ACBD6: variants seen among roughly 807,000 people sequenced by gnomAD.
ACBD6 encodes acyl-CoA binding domain containing 6.
Under a neutral mutation model 37.2 loss-of-function variants are expected in ACBD6, and 28 were observed. The ratio of observed to expected loss-of-function variants is 0.75; its 90% confidence interval spans 0.56 to 1.03. ACBD6 has a LOEUF of 1.03. Ranked by LOEUF, ACBD6 falls within the 50% of genes least tolerant of loss-of-function variation. The pLI is 0.00. For missense variants in ACBD6, 340 were observed against 337.4 expected, an observed-to-expected ratio of 1.01 and a Z score of -0.06; for synonymous variants, 113 against 126.8, an observed-to-expected ratio of 0.89 and a Z score of 0.73.
At chr1:180,318,070 C>T (rs1173089764) in intron 6 of ACBD6, among the ~76,000 whole-genome samples, 12 of 143,384 alleles carry the variant, frequency 8.4e-5, no homozygotes, top group Non-Finnish European at 1.5e-4. Context: ...CCCAGCTACT[C>T]GGGATTGCTT....
intron 3 of ACBD6, among the ~76,000 whole-genome samples, chr1:180,450,969 T>C (rs1571528185): frequency 6.6e-6 from 1 of 152,290 alleles, no homozygotes; most frequent in South Asian, 2.1e-4. Context: ...AAATAGTAAA[T>C]TTCCCTTCAT....
At chr1:180,359,635 A>G (rs375319154) in intron 6 of ACBD6, among the ~76,000 whole-genome samples, 4 of 152,208 alleles carry the variant, frequency 2.6e-5, no homozygotes, top group South Asian at 2.1e-4. Context: ...ACTCATCATC[A>G]TATGTATTTT....
At position 180,359,606 on chromosome 1, in the gene ACBD6, A is replaced by G. The variant is rs7549731; in HGVS notation, c.663+37910T>C. On this transcript the variant is annotated intron_variant, in intron 6 of 7. Transcript: ENST00000367595. The stretch of plus-strand genomic sequence containing the variant: ...ATGAATTACTACCAAGCATTTAGAC[A>G]TTTAGAAGATATACATGTACTCATC... Among the ~76,000 whole-genome samples the G allele has an allele frequency of 9.9e-3, 1,505 of 152,332 alleles. 34 individuals are homozygous for G. The highest frequency in any genetic ancestry group is 0.034 in the African/African-American group (1,394 of 41,580).
intron 3 of ACBD6, among the ~76,000 whole-genome samples, chr1:180,443,247 C>T (rs1040013379): frequency 6.6e-6 from 1 of 152,162 alleles, no homozygotes; most frequent in Non-Finnish European, 1.5e-5. Flanking sequence ...AAGTGAAACC[C>T]TTCTGAAGCC....
chr1:180,355,709 C>G (rs1652599467), intron 6 of ACBD6, among the ~76,000 whole-genome samples: 1 of 152,102 alleles, frequency 6.6e-6, no homozygotes, highest in Admixed American at 6.6e-5. Context: ...CAAGAGCTTC[C>G]TTAATAATTT....
rs530798152 is a variant in ACBD6 at position 180,489,899 on chromosome 1, T to G, written c.384+2370A>C. Among the ~76,000 whole-genome samples, 8 of 152,276 alleles carry G rather than the reference T, an allele frequency of 5.3e-5. No homozygotes were observed. The East Asian group carries it at 1.5e-3, about 29-fold the overall frequency. ...GACTCGAACTCCTGACCTCAGGTGATCCACCCGCCTCAGCCTCCCAAAGTG... is the reference window on the plus strand; with the variant it reads ...GACTCGAACTCCTGACCTCAGGTGAGCCACCCGCCTCAGCCTCCCAAAGTG... On this transcript the variant is annotated intron_variant, in intron 3 of 7. Coordinates refer to ENST00000367595, the MANE Select transcript of ACBD6 (RefSeq NM_032360.4).
At chr1:180,270,781 T>TG (rs1310377647) in exon 14 of ACBD6, 1 of 158,192 alleles carries the variant, frequency 6.3e-6, no homozygotes, top group Admixed American at 5.9e-5. Context: ...TCTGATTTCC[T>TG]GTTTTAGTTT....
chr1:180,408,681 A>T (rs1168986449), intron 5 of ACBD6, among the ~76,000 whole-genome samples: 1 of 152,152 alleles, frequency 6.6e-6, no homozygotes, highest in African/African-American at 2.4e-5. Flanking sequence ...TAATAAAATA[A>T]AATAAAAAAG....
At chr1:180,338,802 A>C (rs1393207399) in intron 6 of ACBD6, among the ~76,000 whole-genome samples, 1 of 152,248 alleles carries the variant, frequency 6.6e-6, no homozygotes, top group Non-Finnish European at 1.5e-5. Flanking sequence ...GTTAATATCC[A>C]GAATCTACAA....
chr1:180,338,900 C>T (rs1300716381), intron 6 of ACBD6, among the ~76,000 whole-genome samples: 1 of 152,198 alleles, frequency 6.6e-6, no homozygotes, highest in Non-Finnish European at 1.5e-5. Context: ...CAAAAGAAGA[C>T]ATTTATGCAG....
At chr1:180,305,566 C>T (rs1650320579) in intron 7 of ACBD6, among the ~76,000 whole-genome samples, 1 of 152,168 alleles carries the variant, frequency 6.6e-6, no homozygotes, top group Non-Finnish European at 1.5e-5. Context: ...CATCTCACAC[C>T]AGTTAGAATG....
chr1:180,342,276 GA>G (rs1266854123), intron 6 of ACBD6, among the ~76,000 whole-genome samples: 1 of 152,102 alleles, frequency 6.6e-6, no homozygotes, highest in African/African-American at 2.4e-5. Flanking sequence ...GAGTAGTAGA[GA>G]AAAGGATCAG....
chr1:180,435,038 C>T (rs1648966683), intron 3 of ACBD6: 3 of 947,926 alleles, frequency 3.2e-6, no homozygotes, highest in South Asian at 2.6e-5. Context: ...CACTAGGCAC[C>T]GAGATTACCG....
intron 6 of ACBD6, among the ~76,000 whole-genome samples, chr1:180,339,353 A>G (rs1015814491): frequency 5.9e-5 from 9 of 152,266 alleles, no homozygotes; most frequent in Non-Finnish European, 1.2e-4. Context: ...ATGCAGCCAT[A>G]AAAAATGATG....
At chr1:180,448,037 C>T (rs1040088349) in intron 3 of ACBD6, among the ~76,000 whole-genome samples, 4 of 152,054 alleles carry the variant, frequency 2.6e-5, no homozygotes, top group African/African-American at 9.7e-5. Flanking sequence ...CTTAACATCC[C>T]TTAATAATTT....
intron 10 of ACBD6, chr1:180,274,216 C>T (rs1030984948): frequency 4.3e-6 from 7 of 1,614,040 alleles, no homozygotes; most frequent in Non-Finnish European, 4.2e-6. Flanking sequence ...TTGGCCACAC[C>T]AATAGGATTT....
intron 3 of ACBD6, among the ~76,000 whole-genome samples, chr1:180,430,540 G>A (rs1455912804): frequency 1.3e-5 from 2 of 152,068 alleles, no homozygotes; most frequent in Non-Finnish European, 2.9e-5. Flanking sequence ...ACTGTGAGAT[G>A]ATGTTCAATG....
chr1:180,333,526 C>G (rs144568177), intron 6 of ACBD6, among the ~76,000 whole-genome samples: 76 of 152,312 alleles, frequency 5.0e-4, no homozygotes, highest in African/African-American at 1.8e-3. Context: ...AAATATTTAT[C>G]TGCAAGGATG....
intron 7 of ACBD6, 138 bp from the exon 8 acceptor site, chr1:180,288,655 AGGCCT>A: frequency 9.3e-7 from 1 of 1,070,752 alleles, no homozygotes; most frequent in Non-Finnish European, 1.4e-6. Context: ...AAGGATGGTC[AGGCCT>A]GGTAATGAGA....
Sources: gnomAD v4.1 joint callset for allele counts (sites outside exome capture counted in the v4.1 genomes callset) on GRCh38, gnomAD v4.1.1 for gene constraint, MANE v1.5 for transcripts, NCBI Gene and HGNC (gene_info 2026-07-23, HGNC 2026-07-21) for gene names.